The following MAP3K15 variants were observed in gnomAD, a reference collection of about 807,000 sequenced individuals.
MAP3K15 encodes mitogen-activated protein kinase kinase kinase 15.
Under a neutral mutation model 99.5 loss-of-function variants are expected in MAP3K15, and 124 were observed. That is an observed-to-expected ratio of 1.25 (90% confidence interval 1.08 to 1.45). The LOEUF (loss-of-function observed/expected upper bound fraction) is 1.45, where lower values mean the gene tolerates loss of function less well. Among genes scored for constraint, MAP3K15 ranks in the 40% most tolerant of loss-of-function variants. MAP3K15 has a pLI of 0.00. For synonymous variants in MAP3K15, 494 were observed against 439.6 expected, an observed-to-expected ratio of 1.12 and a Z score of -1.55; for missense variants, 1,242 against 1,079.7, an observed-to-expected ratio of 1.15 and a Z score of -2.11.
chrX:19,469,993 C>T (rs1358890960), intron 3 of MAP3K15, among the ~76,000 whole-genome samples: 4 of 110,575 alleles, frequency 3.6e-5, no homozygotes, highest in African/African-American at 6.6e-5. Flanking sequence ...GTCAGTGTGG[C>T]GATTCCTCAG....
chrX:19,416,879 C>A (rs911890262), intron 9 of MAP3K15, among the ~76,000 whole-genome samples: 4 of 112,098 alleles, frequency 3.6e-5, no homozygotes, highest in Non-Finnish European at 7.5e-5. Context: ...AGCTGTAGTT[C>A]AAAGTTCAAA....
intron 18 of MAP3K15, among the ~76,000 whole-genome samples, chrX:19,384,115 G>C (rs1327365040): frequency 1.8e-5 from 2 of 112,138 alleles, no homozygotes; most frequent in Non-Finnish European, 3.8e-5. Context: ...AATGGATAAA[G>C]AAAATGTGGT....
chrX:19,446,836 C>G lies in MAP3K15; in HGVS notation c.995+10077G>C, dbSNP rs761311422. 1.3e-4 allele frequency among the ~76,000 whole-genome samples: 15 copies of G among 111,417 alleles called. No homozygotes were observed. The East Asian group carries it at 2.5e-3, about 19-fold the overall frequency. On this transcript the variant is annotated intron_variant, in intron 6 of 28. Transcript: ENST00000338883. ...ACCTCAACTGGAACTGGTACCCAGCCTACAGCCTTCCCTTCCTTTTTTTAA... is the reference window on the plus strand; with the variant it reads ...ACCTCAACTGGAACTGGTACCCAGCGTACAGCCTTCCCTTCCTTTTTTTAA...
rs201469897 is a variant in MAP3K15, at chrX:19,434,233, G to GTTT, written c.996-2628_996-2626dup. On this transcript the variant is annotated intron_variant, in intron 6 of 28. Transcript: ENST00000338883. Reference sequence around the variant, plus strand: ...AATTTCTTGGTAATAGGTTTTTTTTGTTTTTTTTTTGAGATGGAGTCTCAC... The same window carrying GTTT: ...AATTTCTTGGTAATAGGTTTTTTTTGTTTTTTTTTTTTTGAGATGGAGTCTCAC... Among the ~76,000 whole-genome samples the GTTT allele has an allele frequency of 2.2e-3, 228 of 102,500 alleles. 1 individual carries two copies. Among genetic ancestry groups the GTTT allele is most frequent in the African/African-American group, 7.7e-3 (216 of 28,074 alleles). The allele number at this position is 102,500 out of a possible 115,157, so 89.0% of individuals were successfully genotyped here.
At position 19,480,683 on chromosome X, in the gene MAP3K15, G is replaced by A. The variant is rs1299483480; in HGVS notation, c.525+5799C>T. Among the ~76,000 whole-genome samples, 12 of 102,864 alleles carry A rather than the reference G, an allele frequency of 1.2e-4. No homozygotes were observed. The East Asian group carries it at 2.1e-3, about 18-fold the overall frequency. The allele number at this position is 102,864 out of a possible 115,157, so 89.3% of individuals were successfully genotyped here. On this transcript the variant is annotated intron_variant, in intron 3 of 28. Transcript: ENST00000338883. ...AAAAAAAAAAAAAAAAAAATTAGCC[G>A]TGCGTGGTAGCGGGCACCTGTGATC...
chrX:19,419,752 C>T (rs1158577619), intron 9 of MAP3K15, among the ~76,000 whole-genome samples: 1 of 111,992 alleles, frequency 8.9e-6, no homozygotes, highest in Non-Finnish European at 1.9e-5. Flanking sequence ...CTCAGCACCA[C>T]ACTGCACTTA....
intron 6 of MAP3K15, among the ~76,000 whole-genome samples, chrX:19,451,233 G>A (rs765663479): frequency 2.0e-5 from 2 of 99,949 alleles, no homozygotes; most frequent in South Asian, 5.1e-4. Flanking sequence ...TGCCTTGAGC[G>A]GAAGTCACAC....
At chrX:19,429,454 C>A (rs1284495146) in intron 7 of MAP3K15, among the ~76,000 whole-genome samples, 1 of 110,469 alleles carries the variant, frequency 9.1e-6, no homozygotes, top group Non-Finnish European at 1.9e-5. Context: ...ATGAATCCAA[C>A]ACTGACTGAA....
chrX:19,487,681 G>C (rs938982341), intron 2 of MAP3K15, among the ~76,000 whole-genome samples: 3 of 111,752 alleles, frequency 2.7e-5, no homozygotes, highest in Non-Finnish European at 3.8e-5. Flanking sequence ...ATGATGTTTA[G>C]CACATACAAG....
At chrX:19,404,340 A>G (rs1385270985) in intron 13 of MAP3K15, among the ~76,000 whole-genome samples, 1 of 112,284 alleles carries the variant, frequency 8.9e-6, no homozygotes, top group Non-Finnish European at 1.9e-5. Context: ...TATCATTGAA[A>G]GAAATTCAAG....
chrX:19,475,595 C>T (rs1348266043), intron 3 of MAP3K15, among the ~76,000 whole-genome samples: 2 of 111,076 alleles, frequency 1.8e-5, no homozygotes, highest in Non-Finnish European at 3.8e-5. Flanking sequence ...CAGTGGGCTG[C>T]ACATATAAAG....
At chrX:19,408,305 C>T (rs754262892) in intron 12 of MAP3K15, among the ~76,000 whole-genome samples, 1 of 111,966 alleles carries the variant, frequency 8.9e-6, no homozygotes, top group Non-Finnish European at 1.9e-5. Flanking sequence ...GAGGCACAAA[C>T]AGAAGGATCT....
chrX:19,481,289 T>C (rs2064288364), intron 3 of MAP3K15, among the ~76,000 whole-genome samples: 1 of 108,245 alleles, frequency 9.2e-6, no homozygotes, highest in Admixed American at 9.9e-5. Flanking sequence ...TTTTTTTTTC[T>C]TTTTTTTAAG....
At chrX:19,442,323 T>G (rs868024547) in intron 6 of MAP3K15, among the ~76,000 whole-genome samples, 2 of 111,689 alleles carry the variant, frequency 1.8e-5, no homozygotes, top group South Asian at 7.4e-4. Flanking sequence ...TATTTTTCTG[T>G]ATACAATGAG....
chrX:19,471,048 G>A (rs1002272435), intron 3 of MAP3K15, among the ~76,000 whole-genome samples: 1 of 111,522 alleles, frequency 9.0e-6, no homozygotes, highest in East Asian at 2.8e-4. Context: ...GGCAATTTGA[G>A]TGGCAGAAGA....
rs1185153450 is a variant in MAP3K15, at chrX:19,398,279, A to T, written c.2013T>A (p.Asp671Glu). 2 of 1,210,748 alleles carry T rather than the reference A, an allele frequency of 1.7e-6. No homozygotes were observed. The highest frequency in any genetic ancestry group is 4.4e-5 in the Admixed American group (2 of 45,867). The change falls in exon 15 of 29, where the codon GAT becomes GAA. Residue 671 changes from aspartate (D) to glutamate (E), a missense_variant. Transcript: ENST00000338883. ...TGGCTATTCGCACTTGATTGCTCAG[A>T]TCTCGGCCAGCATACACAATCCCAT... The part of the protein sequence containing the change: ...GTYGIVYAGR[D>E]LSNQVRIAIK...
chrX:19,416,952 G>A (rs1197932482), intron 9 of MAP3K15, among the ~76,000 whole-genome samples: 2 of 111,879 alleles, frequency 1.8e-5, no homozygotes, highest in Non-Finnish European at 3.8e-5. Flanking sequence ...TTATTTTGAG[G>A]TAATTTTAGA....
intron 3 of MAP3K15, among the ~76,000 whole-genome samples, chrX:19,479,561 C>T (rs1269303226): frequency 8.9e-6 from 1 of 111,830 alleles, no homozygotes; most frequent in Non-Finnish European, 1.9e-5. Flanking sequence ...AATCAACCTG[C>T]AAAATAAGCT....
In MAP3K15 at chrX:19,431,565, G is replaced by A. The variant is rs199556501; in HGVS notation, c.1039C>T (p.Leu347Phe). Residue 347 changes from leucine to phenylalanine, a missense_variant, in exon 7 of 29, where the codon CTC becomes TTC. Transcript: ENST00000338883. Reference protein sequence around the residue: ...GDREKALQIMLQVLQSCDHPG... With the variant: ...GDREKALQIMFQVLQSCDHPG... The stretch of plus-strand genomic sequence containing the variant: ...TGATCACAGCTCTGCAGAACCTGGA[G>A]CATGATCTGCAGAGCCTTCTCACGG... 3 of 1,199,318 alleles carry A rather than the reference G, an allele frequency of 2.5e-6. No individual in the cohort carries two copies. The highest frequency in any genetic ancestry group is 2.2e-5 in the Admixed American group (1 of 45,941).
Sources: gnomAD v4.1 joint callset for allele counts (sites outside exome capture counted in the v4.1 genomes callset) on GRCh38, gnomAD v4.1.1 for gene constraint, MANE v1.5 for transcripts, NCBI Gene and HGNC (gene_info 2026-07-23, HGNC 2026-07-21) for gene names.